CCNY: variants seen among roughly 807,000 people sequenced by gnomAD.
CCNY encodes cyclin-Y.
Under a neutral mutation model 42.8 loss-of-function variants are expected in CCNY, and 19 were observed. The observed-to-expected ratio is 0.44, with a 90% CI of 0.31 to 0.65. The LOEUF is 0.65. Among genes scored for constraint, CCNY ranks in the 30% least tolerant of loss-of-function variants. The pLI is 0.07. For synonymous variants in CCNY, 165 were observed against 162.7 expected (o/e 1.01, Z -0.11); for missense variants, 370 against 437.3 (o/e 0.85, Z 1.37).
rs748400607 is a variant in CCNY at position 35,569,174 on chromosome 10, C to T, written c.*4C>T. On this transcript the variant is annotated 3_prime_UTR_variant, in exon 10 of 10. Transcript: ENST00000374704. ...GTCCCCAGCCATCATCTCTTAACTACGGAGGCCCGCCGGAGGCCACACCAT... is the reference window on the plus strand; with the variant it reads ...GTCCCCAGCCATCATCTCTTAACTATGGAGGCCCGCCGGAGGCCACACCAT... The T allele has an allele frequency of 1.9e-5, 29 of 1,549,078 alleles. No homozygotes were observed. Among genetic ancestry groups the T allele is most frequent in the South Asian group, 7.8e-5 (7 of 89,790 alleles).
intron 3 of CCNY, among the ~76,000 whole-genome samples, chr10:35,310,694 T>C (rs985192045): frequency 1.3e-5 from 2 of 152,250 alleles, no homozygotes; most frequent in African/African-American, 4.8e-5. Flanking sequence ...CATTTGTGTG[T>C]CTTCTCCAAG....
chr10:35,281,595 G>A (rs1004288390), intron 3 of CCNY, among the ~76,000 whole-genome samples: 8 of 152,186 alleles, frequency 5.3e-5, no homozygotes, highest in Middle Eastern at 3.4e-3. Flanking sequence ...GAGCCACTGC[G>A]TCTGGCCTTG....
chr10:35,340,723 C>T (rs1369651723), intron 1 of CCNY, among the ~76,000 whole-genome samples: 1 of 152,008 alleles, frequency 6.6e-6, no homozygotes, highest in Non-Finnish European at 1.5e-5. Flanking sequence ...ATACTGGTCT[C>T]GAACTCCTGA....
At chr10:35,504,140 A>G (rs998052942) in intron 3 of CCNY, among the ~76,000 whole-genome samples, 1 of 152,212 alleles carries the variant, frequency 6.6e-6, no homozygotes, top group African/African-American at 2.4e-5. Context: ...TTGCTAAGTT[A>G]ACCTACAAAG....
chr10:35,411,103 A>G (rs1454454370), intron 1 of CCNY, among the ~76,000 whole-genome samples: 3 of 152,192 alleles, frequency 2.0e-5, no homozygotes, highest in Non-Finnish European at 4.4e-5. Flanking sequence ...TCTGTTAAGT[A>G]ATTTCATCAG....
At chr10:35,552,989 C>T in intron 7 of CCNY, 30 bp from the exon 8 acceptor site, 1 of 1,600,952 alleles carries the variant, frequency 6.2e-7, no homozygotes, top group Non-Finnish European at 8.6e-7. Context: ...AAACAAATCA[C>T]TTAGCTCTGG....
rs952467117 is a variant in CCNY at position 35,360,809 on chromosome 10, T to C, written c.154+23602T>C. Among the ~76,000 whole-genome samples, 36 of 152,200 alleles carry C rather than the reference T, an allele frequency of 2.4e-4. 1 individual carries two copies. The highest frequency in any genetic ancestry group is 2.2e-3 in the Admixed American group (33 of 15,274). ...ATTTGATAATATATTAATATGTCTC[T>C]GAGTCAGACACATTAATCAAGCTTC... On this transcript the variant is annotated intron_variant, in intron 1 of 9. Transcript: ENST00000374704.
intron 1 of CCNY, among the ~76,000 whole-genome samples, chr10:35,435,866 T>C (rs1165692019): frequency 6.6e-6 from 1 of 152,158 alleles, no homozygotes; most frequent in African/African-American, 2.4e-5. Flanking sequence ...AGATAATGGC[T>C]AAGATGTTTA....
chr10:35,544,594 A>G (rs777191798), intron 7 of CCNY, among the ~76,000 whole-genome samples: 1 of 152,220 alleles, frequency 6.6e-6, no homozygotes, highest in Non-Finnish European at 1.5e-5. Flanking sequence ...AGCAAAGCCC[A>G]TTAGAGACAG....
chr10:35,564,778 C>T (rs1160735845), intron 8 of CCNY, among the ~76,000 whole-genome samples: 1 of 152,230 alleles, frequency 6.6e-6, no homozygotes, highest in Non-Finnish European at 1.5e-5. Context: ...TCCTCTCCGC[C>T]AGAGCTCCAT....
chr10:35,505,070 A>C (rs1310159613), intron 3 of CCNY, among the ~76,000 whole-genome samples: 2 of 151,266 alleles, frequency 1.3e-5, no homozygotes, highest in Non-Finnish European at 2.9e-5. Context: ...GTTTTTATGA[A>C]TCTTTTAATT....
intron 8 of CCNY, 76 bp downstream of exon 8, chr10:35,553,261 T>A: frequency 6.8e-7 from 1 of 1,479,832 alleles, no homozygotes; most frequent in Non-Finnish European, 9.3e-7. Context: ...CCTCCTTTTT[T>A]AATGGTCTGT....
At chr10:35,284,850 C>A (rs1391483142) in intron 3 of CCNY, among the ~76,000 whole-genome samples, 4 of 151,784 alleles carry the variant, frequency 2.6e-5, no homozygotes, top group African/African-American at 9.7e-5. Context: ...TTGTAATTTC[C>A]CTTGGAACTT....
At chr10:35,347,298 A>G (rs149676653) in intron 1 of CCNY, 1 of 206,080 alleles carries the variant, frequency 4.9e-6, no homozygotes, top group African/African-American at 2.4e-5. Flanking sequence ...TGGGCACAGT[A>G]AGGAGAATTG....
At chr10:35,267,417 T>G (rs2095726650) in intron 3 of CCNY, among the ~76,000 whole-genome samples, 1 of 152,164 alleles carries the variant, frequency 6.6e-6, no homozygotes, top group South Asian at 2.1e-4. Context: ...CCTGTTGACA[T>G]GCTCAAACAC....
chr10:35,416,755 C>T (rs912492273), intron 1 of CCNY, among the ~76,000 whole-genome samples: 7 of 152,084 alleles, frequency 4.6e-5, no homozygotes, highest in Non-Finnish European at 7.4e-5. Context: ...GAAGGAGGGC[C>T]GCGGACCACC....
chr10:35,275,864 C>A (rs901972402), intron 3 of CCNY, among the ~76,000 whole-genome samples: 1 of 152,198 alleles, frequency 6.6e-6, no homozygotes, highest in East Asian at 1.9e-4. Context: ...ACCCATGGAC[C>A]ACACGGCCCC....
At chr10:35,494,266 AT>A (rs886392518) in intron 2 of CCNY, among the ~76,000 whole-genome samples, 117 of 134,056 alleles carry the variant, frequency 8.7e-4, no homozygotes, top group Non-Finnish European at 1.3e-3. Flanking sequence ...AAAAATAAAG[AT>A]TTTTTTTTTT....
At chr10:35,514,131 TAGA>T (rs932655525) in intron 3 of CCNY, among the ~76,000 whole-genome samples, 44 of 149,150 alleles carry the variant, frequency 3.0e-4, no homozygotes, top group Admixed American at 1.0e-3. Flanking sequence ...GCATTTCTAG[TAGA>T]AGGATTACAG....
Sources: gnomAD v4.1 joint callset for allele counts (sites outside exome capture counted in the v4.1 genomes callset) on GRCh38, gnomAD v4.1.1 for gene constraint, MANE v1.5 for transcripts, NCBI Gene and HGNC (gene_info 2026-07-23, HGNC 2026-07-21) for gene names.